CAMK2A: variants seen among roughly 807,000 people sequenced by gnomAD.
CAMK2A encodes calcium/calmodulin-dependent protein kinase type II subunit alpha.
A neutral mutation model predicts 79.2 loss-of-function variants in CAMK2A; 7 were observed. The observed-to-expected ratio is 0.09, with a 90% CI of 0.05 to 0.17. CAMK2A has a LOEUF of 0.17. Among genes scored for constraint, CAMK2A ranks in the 10% least tolerant of loss-of-function variants. The pLI is 1.00. For missense variants in CAMK2A, 214 were observed against 646.4 expected (o/e 0.33, Z 7.25); for synonymous variants, 242 against 251.7 (o/e 0.96, Z 0.36).
At chr5:150,279,918 A>G (rs930852003) in intron 1 of CAMK2A, among the ~76,000 whole-genome samples, 5 of 152,208 alleles carry the variant, frequency 3.3e-5, no homozygotes, top group African/African-American at 1.2e-4. Flanking sequence ...CTGCCAGCCC[A>G]AAGGGGCCCA....
At chr5:150,230,331 A>C (rs1207005451) in intron 16 of CAMK2A, among the ~76,000 whole-genome samples, 1 of 130,098 alleles carries the variant, frequency 7.7e-6, no homozygotes, top group African/African-American at 2.5e-5. Context: ...AAAAAAAAAA[A>C]AAAAAAAAAG....
Position 150,251,972 on chromosome 5 carries a change from A to G in CAMK2A, c.598+10T>C. 1 of 1,612,456 alleles carries G rather than the reference A, an allele frequency of 6.2e-7. No individual in the cohort carries two copies. The highest frequency in any genetic ancestry group is 2.2e-5 in the East Asian group (1 of 44,866). On this transcript the variant is annotated intron_variant, in intron 8 of 18. Transcript: ENST00000671881. ...GCCAGGGGCACAAAAGGGCCTTAGG[A>G]TGAACTCACCACAAGCCCACAGGTC...
intron 1 of CAMK2A, among the ~76,000 whole-genome samples, chr5:150,279,369 T>C (rs1182899261): frequency 1.3e-5 from 2 of 152,196 alleles, no homozygotes; most frequent in Non-Finnish European, 2.9e-5. Context: ...AGCTACTTCT[T>C]CCTAGCAAGC....
chr5:150,276,421 G>A (rs554400222), intron 1 of CAMK2A, among the ~76,000 whole-genome samples: 3 of 152,196 alleles, frequency 2.0e-5, no homozygotes, highest in Non-Finnish European at 4.4e-5. Flanking sequence ...TTCAGCAAGA[G>A]TGAGAGAAAC....
chr5:150,237,572 C>T (rs533014576), intron 15 of CAMK2A, among the ~76,000 whole-genome samples: 64 of 152,238 alleles, frequency 4.2e-4, no homozygotes, highest in Middle Eastern at 6.8e-3. Context: ...TTCAGAGTGG[C>T]GGTTACCAGC....
Position 150,256,103 on chromosome 5 carries a change from A to T in CAMK2A, c.411+470T>A, listed in dbSNP as rs1756046128. Among the ~76,000 whole-genome samples the T allele has an allele frequency of 6.6e-6, 1 of 152,186 alleles. No homozygotes were observed. The highest frequency in any genetic ancestry group is 1.5e-5 in the Non-Finnish European group (1 of 68,036). ...GGCCTGCCAGAGATGCAGGAACAAG[A>T]CTAAGAATGCATCTGTATACCAGGC... On this transcript the variant is annotated intron_variant, in intron 6 of 18. Transcript: ENST00000671881. This position sits in a 1 kb window ranked among gnomAD's most constrained non-coding sequence, Gnocchi z 4.6.
At chr5:150,276,182 G>GAACCAGGGAC (rs1756936986) in intron 1 of CAMK2A, among the ~76,000 whole-genome samples, 1 of 152,196 alleles carries the variant, frequency 6.6e-6, no homozygotes, top group Non-Finnish European at 1.5e-5. Flanking sequence ...TCTGTGCCAA[G>GAACCAGGGAC]AACCAGGGAC....
intron 1 of CAMK2A, among the ~76,000 whole-genome samples, chr5:150,285,333 G>A (rs1487670235): frequency 6.6e-6 from 1 of 152,172 alleles, no homozygotes; most frequent in Non-Finnish European, 1.5e-5. Flanking sequence ...AGCCTTGCCG[G>A]CCCCAAAGTG....
At chr5:150,263,660 ACT>A (rs1463440655) in intron 3 of CAMK2A, among the ~76,000 whole-genome samples, 3 of 151,818 alleles carry the variant, frequency 2.0e-5, no homozygotes, top group African/African-American at 4.8e-5. Context: ...CACTCCACAC[ACT>A]CTCACACACT....
intron 12 of CAMK2A, among the ~76,000 whole-genome samples, chr5:150,246,377 A>G (rs1171394154): frequency 6.6e-6 from 1 of 152,324 alleles, no homozygotes; most frequent in East Asian, 1.9e-4. Context: ...TCGAGCCTCA[A>G]GGTAGACGCC....
chr5:150,289,786 G>GAGA, upstream of CAMK2A: 1 of 562,328 alleles, frequency 1.8e-6, no homozygotes. Context: ...GCAGGGCACT[G>GAGA]TGGCTGCTCA....
chr5:150,279,651 G>A (rs1467756937), intron 1 of CAMK2A, among the ~76,000 whole-genome samples: 2 of 152,218 alleles, frequency 1.3e-5, no homozygotes, highest in Non-Finnish European at 2.9e-5. Context: ...ACGTGTGTGG[G>A]AGCCACAGCG....
rs557202307 is a variant in CAMK2A, at chr5:150,286,747, G to C, written c.62+2817C>G. ...TCCTCCCACAGAAGAGGCCAGCCAG[G>C]GGGGAAGCACGGTTTGGTCAACCTC... is the stretch of plus-strand genomic sequence containing the variant. On this transcript the variant is annotated intron_variant, in intron 1 of 18. Transcript: ENST00000671881. Among the ~76,000 whole-genome samples the C allele has an allele frequency of 4.9e-4, 74 of 152,282 alleles. 2 individuals are homozygous for C. The highest frequency in any genetic ancestry group is 3.4e-3 in the Middle Eastern group (1 of 294).
chr5:150,246,896 T>C (rs1755592126), intron 12 of CAMK2A, among the ~76,000 whole-genome samples: 1 of 152,250 alleles, frequency 6.6e-6, no homozygotes, highest in African/African-American at 2.4e-5. Flanking sequence ...CTTTCTCGGC[T>C]GGCCCCAGCC....
chr5:150,222,209 G>T lies in CAMK2A; in HGVS notation c.*501C>A, dbSNP rs543560329. The T allele has an allele frequency of 2.3e-6, 1 of 441,290 alleles. No individual in the cohort carries two copies. Among genetic ancestry groups the T allele is most frequent in the Non-Finnish European group, 4.2e-6 (1 of 238,808 alleles). 27.3% of individuals were successfully genotyped at this position (441,290 alleles called of 1,614,324 possible). On this transcript the variant is annotated 3_prime_UTR_variant, in exon 19 of 19. Coordinates refer to ENST00000671881, the MANE Select transcript of CAMK2A (RefSeq NM_015981.4). ...TTGAGGCAGGAGGCTCCTGGCGTAT[G>T]CTCTTCTCCCCACTCCTTCAGTGCG...
chr5:150,289,883 C>T, upstream of CAMK2A: 1 of 523,372 alleles, frequency 1.9e-6, no homozygotes, highest in Non-Finnish European at 3.4e-6. Flanking sequence ...TAACTGCCTC[C>T]CCAACACCTG....
intron 17 of CAMK2A, among the ~76,000 whole-genome samples, chr5:150,226,412 A>G (rs1754598683): frequency 6.6e-6 from 1 of 152,056 alleles, no homozygotes; most frequent in African/African-American, 2.4e-5. Context: ...TATTTTTGCC[A>G]TTCACAAGTG....
intron 15 of CAMK2A, among the ~76,000 whole-genome samples, chr5:150,236,485 G>A (rs1755066357): frequency 6.6e-6 from 1 of 152,186 alleles, no homozygotes; most frequent in South Asian, 2.1e-4. Flanking sequence ...CTCTGAGGTT[G>A]GTACTATTTT....
chr5:150,225,041 G>GGA (rs58360121), intron 17 of CAMK2A, among the ~76,000 whole-genome samples: 24,096 of 108,392 alleles, frequency 0.22, 2,443 homozygotes, highest in Non-Finnish European at 0.28. Context: ...TGGTAGGTAG[G>GGA]GAGAGAGAGA....
Sources: gnomAD v4.1 joint callset for allele counts (sites outside exome capture counted in the v4.1 genomes callset) on GRCh38, gnomAD v4.1.1 for gene constraint, Gnocchi (gnomAD v3.1) non-coding constraint, MANE v1.5 for transcripts, NCBI Gene and HGNC (gene_info 2026-07-23, HGNC 2026-07-21) for gene names.